KLHL29: variants seen among roughly 807,000 people sequenced by gnomAD.
The protein encoded by KLHL29 is kelch like family member 29, also known as kelch-like protein 29.
A neutral mutation model predicts 80.4 loss-of-function variants in KLHL29; 21 were observed. The ratio of observed to expected loss-of-function variants is 0.26; its 90% CI spans 0.19 to 0.38. KLHL29 has a LOEUF of 0.38. Ranked by LOEUF, KLHL29 falls within the 10% of genes least tolerant of loss-of-function variation. KLHL29 has a pLI of 1.00. For synonymous variants in KLHL29, 511 were observed against 526.8 expected, an observed-to-expected ratio of 0.97 and a Z score of 0.41; for missense variants, 867 against 1,223.9, an observed-to-expected ratio of 0.71 and a Z score of 4.35.
intron 1 of KLHL29, among the ~76,000 whole-genome samples, chr2:23,475,009 TA>T (rs111987548): frequency 0.028 from 3,918 of 141,232 alleles, 88 homozygotes; most frequent in Admixed American, 0.061. Flanking sequence ...ATCTATAATT[TA>T]AAAAAAAAAA....
At chr2:23,670,529 A>G (rs1389827655) in intron 5 of KLHL29, among the ~76,000 whole-genome samples, 1 of 152,036 alleles carries the variant, frequency 6.6e-6, no homozygotes, top group Non-Finnish European at 1.5e-5. Flanking sequence ...CCCAGGCCTG[A>G]CATAGGCCTC....
At chr2:23,557,473 G>T (rs1023306189) in intron 2 of KLHL29, among the ~76,000 whole-genome samples, 1 of 152,106 alleles carries the variant, frequency 6.6e-6, no homozygotes, top group African/African-American at 2.4e-5. Flanking sequence ...CTCCAGGCCC[G>T]GAGTCTCCAT....
At chr2:23,425,192 C>G (rs1490863900) in intron 1 of KLHL29, among the ~76,000 whole-genome samples, 2 of 151,988 alleles carry the variant, frequency 1.3e-5, no homozygotes, top group East Asian at 3.8e-4. Flanking sequence ...ATCTTTTTTA[C>G]CATAAGCCAT....
intron 1 of KLHL29, among the ~76,000 whole-genome samples, chr2:23,413,592 A>G (rs950449286): frequency 2.6e-5 from 4 of 151,886 alleles, no homozygotes; most frequent in Non-Finnish European, 5.9e-5. Flanking sequence ...ATGAGTCTCC[A>G]CCCCTGGGGA....
intron 1 of KLHL29, among the ~76,000 whole-genome samples, chr2:23,413,512 G>A (rs1666913987): frequency 1.3e-5 from 2 of 152,170 alleles, no homozygotes; most frequent in Non-Finnish European, 2.9e-5. Context: ...GAAAATTCAT[G>A]TAACTATCCG....
chr2:23,425,193 C>A (rs1223787039), intron 1 of KLHL29, among the ~76,000 whole-genome samples: 2 of 151,814 alleles, frequency 1.3e-5, no homozygotes, highest in East Asian at 3.8e-4. Context: ...TCTTTTTTAC[C>A]ATAAGCCATG....
At chr2:23,592,770 T>G (rs1362754196) in intron 3 of KLHL29, among the ~76,000 whole-genome samples, 1 of 152,198 alleles carries the variant, frequency 6.6e-6, no homozygotes, top group Non-Finnish European at 1.5e-5. Flanking sequence ...TCTTTATGAA[T>G]CTGTTGAAGC....
At chr2:23,553,786 C>G (rs1359176812) in intron 2 of KLHL29, among the ~76,000 whole-genome samples, 1 of 152,202 alleles carries the variant, frequency 6.6e-6, no homozygotes, top group Non-Finnish European at 1.5e-5. Context: ...GTTCCCTGAG[C>G]CCCCTGCCCC....
At chr2:23,528,560 G>C (rs1054869733) in intron 2 of KLHL29, among the ~76,000 whole-genome samples, 1 of 152,152 alleles carries the variant, frequency 6.6e-6, no homozygotes, top group Non-Finnish European at 1.5e-5. Context: ...AGAGCCTCCA[G>C]GCTTTATTCC....
At chr2:23,494,590 A>G (rs1665202271) in intron 2 of KLHL29, among the ~76,000 whole-genome samples, 3 of 152,228 alleles carry the variant, frequency 2.0e-5, no homozygotes, top group Admixed American at 6.5e-5. Flanking sequence ...ATAGGACTGC[A>G]GGGACCTTCA....
intron 3 of KLHL29, among the ~76,000 whole-genome samples, chr2:23,635,927 T>A (rs1297039503): frequency 6.6e-6 from 1 of 152,204 alleles, no homozygotes; most frequent in Non-Finnish European, 1.5e-5. Flanking sequence ...CCGGGCTAAG[T>A]TCTTCTGGTT....
intron 2 of KLHL29, among the ~76,000 whole-genome samples, chr2:23,530,142 A>G (rs373594221): frequency 6.6e-6 from 1 of 152,078 alleles, no homozygotes; most frequent in Non-Finnish European, 1.5e-5. Context: ...CACACTGCCA[A>G]AGAGGCAGGG....
At chr2:23,460,058 A>G (rs900268426) in intron 1 of KLHL29, among the ~76,000 whole-genome samples, 7 of 152,360 alleles carry the variant, frequency 4.6e-5, no homozygotes, top group South Asian at 2.1e-4. Context: ...TATTTGTTCA[A>G]CATACCTACT....
rs181934022 is a variant in KLHL29, at chr2:23,573,616, A to C, written c.285+11135A>C. Among the ~76,000 whole-genome samples, 8 of 152,344 alleles carry C rather than the reference A, an allele frequency of 5.3e-5. No individual in the cohort carries two copies. In the East Asian group the frequency reaches 1.3e-3, roughly 26 times the overall value. ...GACTCCCCACAGAACAGTTTTGCTC[A>C]TCAGGGTTTGAAACAACCAACAAAT... On this transcript the variant is annotated intron_variant, in intron 3 of 13. Transcript: ENST00000486442.
Position 23,680,476 on chromosome 2 carries a change from C to G in KLHL29, c.941-3923C>G, listed in dbSNP as rs1397673026. ...CACAGACGTAGGCGGGCATCCCGCT[C>G]AAAGCCGAGGAGACCCAAAAACAAC... On this transcript the variant is annotated intron_variant, in intron 5 of 13. Transcript: ENST00000486442. The surrounding 1 kb of genome is among the most constrained non-coding windows in gnomAD (Gnocchi z 4.1). Among the ~76,000 whole-genome samples, 1 of 152,194 alleles carries G rather than the reference C, an allele frequency of 6.6e-6. No individual in the cohort carries two copies. Among genetic ancestry groups the G allele is most frequent in the Non-Finnish European group, 1.5e-5 (1 of 68,020 alleles).
In KLHL29 at chr2:23,676,328, G is replaced by A. The variant is rs145966587; in HGVS notation, c.941-8071G>A. ...CTCCTGAGTAGCTGGGACTACAGGC[G>A]TCTGCTACCATGCCCGGCTAATTTT... is the stretch of plus-strand genomic sequence containing the variant. On this transcript the variant is annotated intron_variant, in intron 5 of 13. Transcript: ENST00000486442. 8.1e-3 allele frequency among the ~76,000 whole-genome samples: 1,230 copies of A among 152,266 alleles called. 12 individuals carry two copies. The highest frequency in any genetic ancestry group is 0.012 in the Non-Finnish European group (789 of 68,014).
chr2:23,532,597 A>G (rs1451705864), intron 2 of KLHL29: 1 of 456,648 alleles, frequency 2.2e-6, no homozygotes, highest in Non-Finnish European at 4.4e-6. Flanking sequence ...TCCTTCAAGA[A>G]TGCACCACTG....
chr2:23,592,853 C>T (rs1020445800), intron 3 of KLHL29, among the ~76,000 whole-genome samples: 1 of 152,172 alleles, frequency 6.6e-6, no homozygotes, highest in African/African-American at 2.4e-5. Flanking sequence ...CTGGTGTCCC[C>T]TCCCTGCAGG....
chr2:23,641,517 G>A (rs769700411), intron 4 of KLHL29, among the ~76,000 whole-genome samples: 49 of 152,194 alleles, frequency 3.2e-4, no homozygotes, highest in Non-Finnish European at 6.2e-4. Flanking sequence ...TCAGAGGCGA[G>A]CTTGCAGAAA....
Sources: gnomAD v4.1 joint callset for allele counts (sites outside exome capture counted in the v4.1 genomes callset) on GRCh38, gnomAD v4.1.1 for gene constraint, Gnocchi (gnomAD v3.1) non-coding constraint, MANE v1.5 for transcripts, NCBI Gene and HGNC (gene_info 2026-07-23, HGNC 2026-07-21) for gene names.